The following PHTF2 variants were observed in gnomAD, a reference collection of about 807,000 sequenced individuals.
The protein encoded by PHTF2 is putative homeodomain transcription factor 2, also known as protein PHTF2.
In PHTF2, 60 loss-of-function variants were observed where a neutral mutation model predicts 101.2. The ratio of observed to expected loss-of-function variants is 0.59; its 90% CI spans 0.48 to 0.73. PHTF2 has a LOEUF of 0.73. Among genes scored for constraint, PHTF2 ranks in the 30% least tolerant of loss-of-function variants. The pLI is 0.00. For synonymous variants in PHTF2, 311 were observed against 307.3 expected, an observed-to-expected ratio of 1.01 and a Z score of -0.13; for missense variants, 747 against 908.7, an observed-to-expected ratio of 0.82 and a Z score of 2.29.
chr7:77,807,138 T>C (rs1793056407), intron 1 of PHTF2, among the ~76,000 whole-genome samples: 1 of 152,214 alleles, frequency 6.6e-6, no homozygotes. Context: ...CATCCATTGA[T>C]GGACATTTGG....
chr7:77,880,942 C>A (rs559569293), intron 3 of PHTF2, among the ~76,000 whole-genome samples: 32 of 152,224 alleles, frequency 2.1e-4, no homozygotes, highest in African/African-American at 7.5e-4. Flanking sequence ...ACAAACATAA[C>A]CTACTTGACT....
chr7:77,862,865 A>G (rs1417535151), intron 3 of PHTF2, among the ~76,000 whole-genome samples: 1 of 152,216 alleles, frequency 6.6e-6, no homozygotes, highest in Admixed American at 6.5e-5. Context: ...CAACTTTGAA[A>G]GGCCTGGGAG....
chr7:77,949,543 T>G (rs1427695616), intron 16 of PHTF2, 135 bp from the exon 16 acceptor site: 1 of 588,162 alleles, frequency 1.7e-6, no homozygotes, highest in Non-Finnish European at 2.9e-6. Context: ...TTGATATGCT[T>G]AAAATATTTC....
rs117736730 is a variant in PHTF2, at chr7:77,831,878, A to G, written c.-35-8343A>G. Among the ~76,000 whole-genome samples, 21 of 152,276 alleles carry G rather than the reference A, an allele frequency of 1.4e-4. No homozygotes were observed. In the Middle Eastern group the frequency reaches 0.024, roughly 173 times the overall value. On this transcript the variant is annotated intron_variant, in intron 1 of 19. Transcript: ENST00000416283. ...TTGCAGGATGTGATTAAAATTATCC[A>G]CATTAAAGTACGTGCCCTTAGTTTA...
At chr7:77,817,101 A>T (rs1793911102) in intron 1 of PHTF2, among the ~76,000 whole-genome samples, 1 of 152,212 alleles carries the variant, frequency 6.6e-6, no homozygotes, top group Admixed American at 6.5e-5. Context: ...GGATTGCTGG[A>T]TCATATGGTA....
rs375158347 is a variant in PHTF2, at chr7:77,886,632, T to G, written c.148-6976T>G. Among the ~76,000 whole-genome samples the G allele has an allele frequency of 9.7e-4, 148 of 152,304 alleles. 7 individuals are homozygous for G. In the South Asian group the frequency reaches 0.03, roughly 31 times the overall value. ...GTGATAGTAACTTTACTAGTTACTA[T>G]GGAATATATTAGTTTCTAAGATAGC... On this transcript the variant is annotated intron_variant, in intron 3 of 19. Coordinates refer to ENST00000416283, the Ensembl canonical transcript of PHTF2.
chr7:77,957,380 A>C (rs1258993804), exon 20 of PHTF2: 1 of 152,230 alleles, frequency 6.6e-6, no homozygotes, highest in East Asian at 1.9e-4. Flanking sequence ...AGAACATGAA[A>C]GAATAATACA....
At chr7:77,827,259 T>C (rs1405772503) in intron 1 of PHTF2, among the ~76,000 whole-genome samples, 1 of 152,208 alleles carries the variant, frequency 6.6e-6, no homozygotes, top group Non-Finnish European at 1.5e-5. Context: ...AAGACCTAAA[T>C]AACTCGTGTG....
intron 2 of PHTF2, among the ~76,000 whole-genome samples, chr7:77,845,232 C>T (rs1377888940): frequency 6.6e-6 from 1 of 152,126 alleles, no homozygotes; most frequent in Non-Finnish European, 1.5e-5. Context: ...TAAGATTCCA[C>T]TGTGACTGTG....
chr7:77,894,120 T>C lies in PHTF2; in HGVS notation c.216+127T>C, dbSNP rs150810144. 6.1e-4 allele frequency: 491 copies of C among 798,430 alleles called. 6 individuals are homozygous for C. The East Asian group carries it at 0.012, about 19-fold the overall frequency. 49.5% of individuals were successfully genotyped at this position (798,430 alleles called of 1,614,324 possible). On this transcript the variant is annotated intron_variant, in intron 5 of 19. Transcript: ENST00000416283. ...TCGAAAAGAGTCACTGAAAAGTTGG[T>C]CATTTTAAAAAAGAAGTTAGGACAG...
chr7:77,904,338 T>G (rs1481919513), intron 7 of PHTF2, among the ~76,000 whole-genome samples: 1 of 152,234 alleles, frequency 6.6e-6, no homozygotes, highest in Non-Finnish European at 1.5e-5. Context: ...CAAATTTAGA[T>G]TAGACATCAG....
chr7:77,859,908 C>T (rs1015986377), intron 3 of PHTF2, among the ~76,000 whole-genome samples: 8 of 152,056 alleles, frequency 5.3e-5, no homozygotes, highest in South Asian at 4.1e-4. Context: ...TTAAGGAATA[C>T]GTTTATGCAA....
At chr7:77,841,258 TTAG>T (rs1795861513) in intron 2 of PHTF2, among the ~76,000 whole-genome samples, 1 of 151,726 alleles carries the variant, frequency 6.6e-6, no homozygotes, top group South Asian at 2.1e-4. Context: ...TTTTGTATAT[TTAG>T]TAGAGACAGG....
At chr7:77,885,814 G>A (rs886458928) in intron 3 of PHTF2, among the ~76,000 whole-genome samples, 2 of 152,152 alleles carry the variant, frequency 1.3e-5, no homozygotes, top group African/African-American at 4.8e-5. Context: ...CACATGATTG[G>A]CCTCTGATGT....
intron 5 of PHTF2, among the ~76,000 whole-genome samples, chr7:77,894,668 A>G (rs563778192): frequency 6.6e-6 from 1 of 152,292 alleles, no homozygotes; most frequent in African/African-American, 2.4e-5. Flanking sequence ...GAGATGCATA[A>G]TTACACATGA....
At chr7:77,823,806 C>G (rs930866736) in intron 1 of PHTF2, among the ~76,000 whole-genome samples, 2 of 152,026 alleles carry the variant, frequency 1.3e-5, no homozygotes, top group African/African-American at 2.4e-5. Flanking sequence ...AAAGTAGAGA[C>G]GATAGATGCT....
intron 1 of PHTF2, among the ~76,000 whole-genome samples, chr7:77,836,687 A>G (rs1225594351): frequency 6.6e-6 from 1 of 152,188 alleles, no homozygotes; most frequent in Non-Finnish European, 1.5e-5. Flanking sequence ...ATGATGCTGG[A>G]AACCATCATT....
At chr7:77,947,503 C>T (rs537150117) in intron 16 of PHTF2, among the ~76,000 whole-genome samples, 3 of 151,852 alleles carry the variant, frequency 2.0e-5, no homozygotes, top group South Asian at 2.1e-4. Context: ...GCAGAGGTTG[C>T]GGTGAGCCAA....
At chr7:77,950,587 G>A (rs1485946646) in intron 17 of PHTF2, among the ~76,000 whole-genome samples, 4 of 152,080 alleles carry the variant, frequency 2.6e-5, no homozygotes, top group Admixed American at 6.6e-5. Flanking sequence ...TTTGAACCCC[G>A]GAGGTTGCAG....
Sources: gnomAD v4.1 joint callset for allele counts (sites outside exome capture counted in the v4.1 genomes callset) on GRCh38, gnomAD v4.1.1 for gene constraint, MANE v1.5 for transcripts, NCBI Gene and HGNC (gene_info 2026-07-23, HGNC 2026-07-21) for gene names.